The following DOCK3 variants were observed in gnomAD, a reference collection of about 807,000 sequenced individuals.
The protein encoded by DOCK3 is dedicator of cytokinesis protein 3.
In DOCK3, 60 loss-of-function variants were observed where a neutral mutation model predicts 265.6. The ratio of observed to expected loss-of-function variants is 0.23; its 90% CI spans 0.18 to 0.28. The LOEUF is 0.28. DOCK3 is among the 10% of genes least tolerant of loss of function. DOCK3 has a pLI of 1.00. For missense variants in DOCK3, 1,981 were observed against 2,594.3 expected (o/e 0.76, Z 5.14); for synonymous variants, 881 against 938.0 (o/e 0.94, Z 1.11).
At chr3:51,199,698 G>A (rs2088579492) in intron 12 of DOCK3, among the ~76,000 whole-genome samples, 1 of 152,234 alleles carries the variant, frequency 6.6e-6, no homozygotes, top group African/African-American at 2.4e-5. Flanking sequence ...GGTTCTCCCA[G>A]CACGCAGCTG....
chr3:51,312,771 C>A, intron 30 of DOCK3, 73 bp from the exon 31 acceptor site: 1 of 1,473,110 alleles, frequency 6.8e-7, no homozygotes, highest in Non-Finnish European at 9.4e-7. Context: ...GAAGTCCTGG[C>A]CTCATGGGTT....
At chr3:51,264,683 C>G (rs1342119820) in intron 23 of DOCK3, among the ~76,000 whole-genome samples, 1 of 151,754 alleles carries the variant, frequency 6.6e-6, no homozygotes, top group Non-Finnish European at 1.5e-5. Context: ...AAAAATTAGC[C>G]GGGCATGGTG....
chr3:50,993,315 C>T (rs1197490226), intron 5 of DOCK3, among the ~76,000 whole-genome samples: 1 of 152,132 alleles, frequency 6.6e-6, no homozygotes, highest in African/African-American at 2.4e-5. Context: ...TGGGTTTTTG[C>T]CTTTTTTCAA....
At chr3:50,952,030 TG>T (rs1017345599) in intron 5 of DOCK3, among the ~76,000 whole-genome samples, 1 of 152,080 alleles carries the variant, frequency 6.6e-6, no homozygotes, top group African/African-American at 2.4e-5. Context: ...CAAACAGTGG[TG>T]GGTTGACTGG....
intron 9 of DOCK3, among the ~76,000 whole-genome samples, chr3:51,137,701 T>C (rs1302988710): frequency 1.3e-5 from 2 of 152,230 alleles, no homozygotes; most frequent in Non-Finnish European, 2.9e-5. Context: ...TGATCAATAA[T>C]ATGAAATTAA....
intron 5 of DOCK3, among the ~76,000 whole-genome samples, chr3:50,995,707 G>A (rs1001596560): frequency 1.3e-5 from 2 of 152,176 alleles, no homozygotes; most frequent in African/African-American, 2.4e-5. Context: ...GGTGTGGTCA[G>A]GAAGAGAAAT....
chr3:50,712,426 C>A (rs1201571125), intron 1 of DOCK3, among the ~76,000 whole-genome samples: 1 of 152,196 alleles, frequency 6.6e-6, no homozygotes, highest in Non-Finnish European at 1.5e-5. Context: ...CAACCTCTGT[C>A]TCCCAGGTTC....
intron 2 of DOCK3, among the ~76,000 whole-genome samples, chr3:50,815,025 A>ATGTTGGCCAGGATGGTCTTGATC (rs1274251807): frequency 6.6e-6 from 1 of 151,974 alleles, no homozygotes; most frequent in Non-Finnish European, 1.5e-5. Flanking sequence ...GGGTTTCACC[A>ATGTTGGCCAGGATGGTCTTGATC]TGTTGGCCAG....
intron 12 of DOCK3, among the ~76,000 whole-genome samples, chr3:51,180,824 T>C (rs1228090917): frequency 6.6e-6 from 1 of 152,174 alleles, no homozygotes; most frequent in East Asian, 1.9e-4. Flanking sequence ...TCAGTGTCAA[T>C]GTGGAGCCTT....
At chr3:51,142,765 A>T (rs2085121134) in intron 9 of DOCK3, among the ~76,000 whole-genome samples, 1 of 152,154 alleles carries the variant, frequency 6.6e-6, no homozygotes, top group Admixed American at 6.5e-5. Flanking sequence ...GTCATTTAGT[A>T]TGTATATAAG....
intron 23 of DOCK3, among the ~76,000 whole-genome samples, chr3:51,267,477 C>A (rs1009264811): frequency 6.6e-6 from 1 of 151,726 alleles, no homozygotes; most frequent in South Asian, 2.1e-4. Context: ...CTCCACCTCC[C>A]GTGTTCAAGT....
intron 32 of DOCK3, among the ~76,000 whole-genome samples, chr3:51,326,861 G>C (rs978452253): frequency 2.0e-5 from 3 of 152,014 alleles, no homozygotes; most frequent in Non-Finnish European, 2.9e-5. Context: ...CTGACCTCAT[G>C]TGATCCACCT....
intron 3 of DOCK3, among the ~76,000 whole-genome samples, chr3:50,847,495 T>C (rs1218271031): frequency 6.6e-6 from 1 of 152,206 alleles, no homozygotes; most frequent in Non-Finnish European, 1.5e-5. Flanking sequence ...TGTACATGTC[T>C]GTTAGGTCTG....
In DOCK3 at chr3:51,381,548, G is replaced by A. The variant is rs782714296; in HGVS notation, c.6082G>A (p.Gly2028Arg). 1 of 1,535,254 alleles carries A rather than the reference G, an allele frequency of 6.5e-7. No homozygotes were observed. Among genetic ancestry groups the A allele is most frequent in the South Asian group, 1.3e-5 (1 of 79,690 alleles). The change falls in exon 53 of 53, where the codon GGG becomes AGG. Residue 2028 changes from glycine (G) to arginine (R), a missense_variant. Around this residue, in one of 4 missense-constraint regions of DOCK3, gnomAD observed 149 missense variants for 144.7 expected, o/e 1.03. Transcript: ENST00000266037. The surrounding 1 kb of genome is among the most constrained non-coding windows in gnomAD (Gnocchi z 5.6). ...CCGCATGGCCTGGGAGCACGGCCGA[G>A]GGGAGCAGTGAGGGGCAACGAGGCG... is the stretch of plus-strand genomic sequence containing the variant. ...QARMAWEHGR[G>R]EQ
At chr3:51,219,520 G>A (rs182957979) in intron 14 of DOCK3, among the ~76,000 whole-genome samples, 20 of 152,302 alleles carry the variant, frequency 1.3e-4, no homozygotes, top group Admixed American at 8.5e-4. Flanking sequence ...AGAAACTGGA[G>A]ACATATTGGA....
At chr3:50,706,892 A>C (rs1465400255) in intron 1 of DOCK3, among the ~76,000 whole-genome samples, 1 of 151,694 alleles carries the variant, frequency 6.6e-6, no homozygotes. Context: ...CCAGTATTGG[A>C]GGTAGGGCCT....
At chr3:50,746,310 T>C (rs2039439027) in intron 1 of DOCK3, among the ~76,000 whole-genome samples, 1 of 152,120 alleles carries the variant, frequency 6.6e-6, no homozygotes. Flanking sequence ...TTTCACCATG[T>C]TGACCAGGCT....
At chr3:51,222,945 A>G (rs1170465040) in intron 14 of DOCK3, among the ~76,000 whole-genome samples, 5 of 152,110 alleles carry the variant, frequency 3.3e-5, no homozygotes, top group African/African-American at 1.2e-4. Flanking sequence ...TTATCTGTTT[A>G]TTTATTTTTA....
chr3:51,264,896 AAATT>A (rs112122990), intron 23 of DOCK3, among the ~76,000 whole-genome samples: 2,052 of 151,444 alleles, frequency 0.014, 55 homozygotes, highest in African/African-American at 0.045. Context: ...ATCCTTGAAA[AAATT>A]AATTAATCTG....
Sources: gnomAD v4.1 joint callset for allele counts (sites outside exome capture counted in the v4.1 genomes callset) on GRCh38, gnomAD v4.1.1 for gene constraint, gnomAD v4.1.1 regional missense constraint, Gnocchi (gnomAD v3.1) non-coding constraint, MANE v1.5 for transcripts, NCBI Gene and HGNC (gene_info 2026-07-23, HGNC 2026-07-21) for gene names.